MYO5B: variants seen among roughly 807,000 people sequenced by gnomAD.
MYO5B encodes unconventional myosin-Vb.
A neutral mutation model predicts 229.3 loss-of-function variants in MYO5B; 143 were observed. The ratio of observed to expected loss-of-function variants is 0.62; its 90% CI spans 0.54 to 0.72. The LOEUF is 0.72. MYO5B is among the 30% of genes least tolerant of loss of function. The pLI is 0.00. For synonymous variants in MYO5B, 918 were observed against 885.2 expected, an observed-to-expected ratio of 1.04 and a Z score of -0.66; for missense variants, 2,321 against 2,331.0, an observed-to-expected ratio of 1.00 and a Z score of 0.09.
chr18:50,105,948 AGGCTG>A (rs1046169849), intron 1 of MYO5B, among the ~76,000 whole-genome samples: 2 of 152,170 alleles, frequency 1.3e-5, no homozygotes, highest in African/African-American at 4.8e-5. Flanking sequence ...CCTCCTTTGT[AGGCTG>A]TCCACCCTAC....
At chr18:49,860,266 C>T (rs1364260664) in intron 29 of MYO5B, among the ~76,000 whole-genome samples, 4 of 152,148 alleles carry the variant, frequency 2.6e-5, no homozygotes, top group African/African-American at 9.7e-5. Context: ...GTGCTCACCC[C>T]GAGGTGAGGT....
At chr18:49,998,122 C>T (rs1004295915) in intron 5 of MYO5B, among the ~76,000 whole-genome samples, 2 of 152,138 alleles carry the variant, frequency 1.3e-5, no homozygotes, top group Non-Finnish European at 2.9e-5. Context: ...CTTTCTAATT[C>T]TACTCAGGGT....
intron 1 of MYO5B, among the ~76,000 whole-genome samples, chr18:50,090,749 G>A (rs2031430816): frequency 6.6e-6 from 1 of 152,170 alleles, no homozygotes; most frequent in African/African-American, 2.4e-5. Flanking sequence ...GCGTTATAAT[G>A]CAGCACAGGG....
intron 1 of MYO5B, among the ~76,000 whole-genome samples, chr18:50,192,640 A>G (rs2033243972): frequency 6.6e-6 from 1 of 152,222 alleles, no homozygotes; most frequent in South Asian, 2.1e-4. Context: ...CTCAAAGAAG[A>G]GCAATTTTGC....
chr18:50,066,177 A>T (rs2030815001), intron 1 of MYO5B, among the ~76,000 whole-genome samples: 1 of 152,220 alleles, frequency 6.6e-6, no homozygotes, highest in Non-Finnish European at 1.5e-5. Context: ...TATATGGAAG[A>T]ATTATTATCA....
At chr18:49,839,661 T>G (rs758891775) in intron 35 of MYO5B, among the ~76,000 whole-genome samples, 1 of 152,242 alleles carries the variant, frequency 6.6e-6, no homozygotes, top group Non-Finnish European at 1.5e-5. Context: ...CCTAAAATGT[T>G]AGATGATGTG....
chr18:50,177,818 C>A (rs569369042), intron 1 of MYO5B, among the ~76,000 whole-genome samples: 5 of 152,126 alleles, frequency 3.3e-5, no homozygotes, highest in Non-Finnish European at 7.4e-5. Context: ...GCAGGCACAC[C>A]CAGCCACAGG....
chr18:49,853,811 C>T (rs900240173), intron 30 of MYO5B, among the ~76,000 whole-genome samples, 164 bp from the exon 31 acceptor site: 1 of 152,254 alleles, frequency 6.6e-6, no homozygotes, highest in Non-Finnish European at 1.5e-5. Context: ...ATGGGGACCA[C>T]AAGGCAAGCA....
intron 1 of MYO5B, among the ~76,000 whole-genome samples, chr18:50,185,287 T>C (rs4939953): frequency 0.44 from 65,164 of 148,784 alleles, 15,017 homozygotes; most frequent in Admixed American, 0.55. Flanking sequence ...TGAATAAGAA[T>C]TTAAAAAAAA....
intron 1 of MYO5B, among the ~76,000 whole-genome samples, chr18:50,079,778 T>C (rs542524821): frequency 2.0e-5 from 3 of 152,022 alleles, no homozygotes; most frequent in East Asian, 1.9e-4. Flanking sequence ...GCAAAGCATC[T>C]GCTATGTAAC....
rs114431248 is a variant in MYO5B at position 50,104,396 on chromosome 18, G to A, written c.28-49018C>T. On this transcript the variant is annotated intron_variant, in intron 1 of 39. Transcript: ENST00000285039. ...AAAAAAATGTTTTTACTTAGTTTAT[G>A]TCTCTACTGTGAAATATCTGATCAT... 5.2e-3 allele frequency among the ~76,000 whole-genome samples: 787 copies of A among 151,628 alleles called. 7 individuals carry two copies. Among genetic ancestry groups the A allele is most frequent in the African/African-American group, 0.018 (737 of 41,364 alleles).
intron 35 of MYO5B, chr18:49,840,574 G>C (rs1049966702): frequency 6.6e-6 from 1 of 152,420 alleles, no homozygotes; most frequent in African/African-American, 2.4e-5. Flanking sequence ...AAGGGTGGAT[G>C]GTGAGATATG....
intron 1 of MYO5B, among the ~76,000 whole-genome samples, chr18:50,144,380 C>G (rs8098073): frequency 0.12 from 18,907 of 152,118 alleles, 1,256 homozygotes; most frequent in East Asian, 0.24. Context: ...GCCTCCCAAC[C>G]AGGAGGGGTT....
At chr18:50,090,294 G>T (rs1466631096) in intron 1 of MYO5B, among the ~76,000 whole-genome samples, 1 of 142,238 alleles carries the variant, frequency 7.0e-6, no homozygotes, top group Non-Finnish European at 1.5e-5. Context: ...AGTGAACCAA[G>T]ATCATGCCAC....
chr18:49,915,943 C>T (rs1000924988), intron 17 of MYO5B, among the ~76,000 whole-genome samples: 1 of 152,136 alleles, frequency 6.6e-6, no homozygotes, highest in Non-Finnish European at 1.5e-5. Flanking sequence ...TGGAAGAAAC[C>T]ATATGAAAAA....
intron 1 of MYO5B, among the ~76,000 whole-genome samples, chr18:50,109,767 G>A (rs1001395375): frequency 6.6e-6 from 1 of 152,136 alleles, no homozygotes. Context: ...GTAGGCAAAG[G>A]CACCCTCATC....
At chr18:50,115,482 G>T (rs2144522794) in intron 1 of MYO5B, among the ~76,000 whole-genome samples, 1 of 152,030 alleles carries the variant, frequency 6.6e-6, no homozygotes, top group East Asian at 1.9e-4. Context: ...CAGGTCTTGT[G>T]CTAGGCTCTA....
chr18:49,898,154 A>G (rs536577729), intron 21 of MYO5B, among the ~76,000 whole-genome samples: 1 of 152,198 alleles, frequency 6.6e-6, no homozygotes, highest in Admixed American at 6.5e-5. Flanking sequence ...GAAATCTATG[A>G]TGTTCACACA....
intron 1 of MYO5B, among the ~76,000 whole-genome samples, chr18:50,183,306 C>CATATATAT (rs71169486): frequency 0.038 from 4,150 of 109,218 alleles, 116 homozygotes; most frequent in South Asian, 0.045. Flanking sequence ...TCAATTTTAT[C>CATATATAT]ATATATATAT....
Sources: allele counts gnomAD v4.1 joint callset (sites outside exome capture counted in the v4.1 genomes callset), GRCh38; gene constraint gnomAD v4.1.1; transcripts MANE v1.5; gene names NCBI Gene and HGNC (gene_info 2026-07-23, HGNC 2026-07-21).